Variants in PIBF1 observed in about 807,000 individuals in gnomAD.
PIBF1 encodes progesterone-induced-blocking factor 1.
Under a neutral mutation model 112.5 loss-of-function variants are expected in PIBF1, and 90 were observed. The observed-to-expected ratio is 0.80, with a 90% CI of 0.67 to 0.95. The LOEUF (loss-of-function observed/expected upper bound fraction) is 0.95. Among genes scored for constraint, PIBF1 ranks in the 40% least tolerant of loss-of-function variants. The pLI is 0.00. For synonymous variants in PIBF1, 301 were observed against 288.6 expected (o/e 1.04, Z -0.44); for missense variants, 915 against 852.3 (o/e 1.07, Z -0.92).
rs140495279 is a variant in PIBF1 at position 72,962,243 on chromosome 13, A to G, written c.1834-3031A>G. 1.8e-3 allele frequency among the ~76,000 whole-genome samples: 271 copies of G among 152,292 alleles called. 5 individuals are homozygous for G. The Middle Eastern group carries it at 0.02, about 11-fold the overall frequency. ...GTGAAAAGGCACAAAATAAAATTGT[A>G]TATAGTACACTAGCAATGAACAGTC... On this transcript the variant is annotated intron_variant, in intron 14 of 17. Coordinates refer to ENST00000326291, the MANE Select transcript of PIBF1 (RefSeq NM_006346.4).
intron 10 of PIBF1, among the ~76,000 whole-genome samples, chr13:72,868,291 A>G (rs962885011): frequency 6.7e-6 from 1 of 148,504 alleles, no homozygotes; most frequent in East Asian, 2.0e-4. Flanking sequence ...ACAGAATAAA[A>G]CCCTGTCTCT....
At chr13:72,793,008 G>T (rs1368421176) in intron 3 of PIBF1, among the ~76,000 whole-genome samples, 1 of 151,938 alleles carries the variant, frequency 6.6e-6, no homozygotes, top group African/African-American at 2.4e-5. Context: ...TAAATTCTTT[G>T]GAACGATTCA....
intron 10 of PIBF1, among the ~76,000 whole-genome samples, chr13:72,870,384 C>G (rs1364363972): frequency 2.6e-5 from 4 of 152,188 alleles, no homozygotes; most frequent in Non-Finnish European, 5.9e-5. Flanking sequence ...AAACGTATCT[C>G]TCCCCATGGT....
chr13:72,959,596 G>GA (rs1343617327), intron 14 of PIBF1, among the ~76,000 whole-genome samples: 6 of 151,870 alleles, frequency 4.0e-5, no homozygotes, highest in African/African-American at 1.5e-4. Context: ...ACTCCCCAAG[G>GA]AAAAAAACTC....
chr13:72,863,925 G>A (rs1371096185), intron 10 of PIBF1, among the ~76,000 whole-genome samples: 1 of 152,152 alleles, frequency 6.6e-6, no homozygotes. Flanking sequence ...CAGAGGCAAT[G>A]ATCACATTTT....
At chr13:72,987,850 ATTTATTTATTT>A (rs2043344955) in intron 16 of PIBF1, among the ~76,000 whole-genome samples, 4 of 66,442 alleles carry the variant, frequency 6.0e-5, no homozygotes, top group African/African-American at 2.7e-4. Flanking sequence ...TTATTTATTT[ATTTATTTATTT>A]TTTTTTTTTT....
chr13:72,931,798 A>AT (rs2041712239), intron 14 of PIBF1, among the ~76,000 whole-genome samples: 1 of 144,444 alleles, frequency 6.9e-6, no homozygotes, highest in Non-Finnish European at 1.5e-5. Context: ...ATCTAATTTT[A>AT]TTTTTCTGTA....
chr13:72,966,841 G>A (rs1247404256), intron 15 of PIBF1, among the ~76,000 whole-genome samples: 2 of 152,052 alleles, frequency 1.3e-5, no homozygotes, highest in East Asian at 3.9e-4. Context: ...CCGGGGAGAC[G>A]GAGGTTGCAG....
rs528118753 is a variant in PIBF1, at chr13:72,995,946, C to A, written c.2050-2876C>A. Among the ~76,000 whole-genome samples the A allele has an allele frequency of 8.8e-3, 1,095 of 124,298 alleles. 5 individuals carry two copies. Among genetic ancestry groups the A allele is most frequent in the South Asian group, 0.022 (68 of 3,106 alleles). The allele number at this position is 124,298 out of a possible 152,430, so 81.5% of individuals were successfully genotyped here. A position where few individuals can be genotyped will look rare whatever the true frequency, so the allele number is the denominator to read the frequency against. ...CCTGGATGACAGAGCGAGACTCCAT[C>A]TCAAAAAAAAAAAGAAAAGAAAAAC... On this transcript the variant is annotated intron_variant, in intron 16 of 17. Transcript: ENST00000326291.
intron 9 of PIBF1, among the ~76,000 whole-genome samples, chr13:72,844,713 A>T (rs1375675414): frequency 7.0e-6 from 1 of 142,338 alleles, no homozygotes; most frequent in Admixed American, 7.0e-5. Flanking sequence ...TTATAAAAGC[A>T]TCTGTAATTT....
At chr13:72,823,554 G>GA (rs933242155) in intron 6 of PIBF1, among the ~76,000 whole-genome samples, 4 of 151,534 alleles carry the variant, frequency 2.6e-5, no homozygotes, top group African/African-American at 4.9e-5. Context: ...AACTGGGGAA[G>GA]AAAAAAAAGC....
intron 16 of PIBF1, among the ~76,000 whole-genome samples, chr13:72,980,807 A>G (rs2043138526): frequency 1.4e-5 from 2 of 142,686 alleles, no homozygotes; most frequent in African/African-American, 5.2e-5. Flanking sequence ...CCCTATCTCC[A>G]AAAAAAAAAA....
At chr13:72,850,556 C>G (rs1033176407) in intron 9 of PIBF1, among the ~76,000 whole-genome samples, 2 of 152,182 alleles carry the variant, frequency 1.3e-5, no homozygotes, top group African/African-American at 2.4e-5. Flanking sequence ...TTATTAGGGA[C>G]TGAAGCTTCT....
At chr13:73,015,139 G>A (rs976528947) in intron 17 of PIBF1, among the ~76,000 whole-genome samples, 1 of 150,792 alleles carries the variant, frequency 6.6e-6, no homozygotes, top group Non-Finnish European at 1.5e-5. Context: ...ACAGGTGCAT[G>A]CCACCATGCC....
At position 72,783,573 on chromosome 13, in the gene PIBF1, C is replaced by G; in HGVS notation, c.104C>G (p.Ser35Cys). 1 of 1,613,842 alleles carries G rather than the reference C, an allele frequency of 6.2e-7. No homozygotes were observed. The highest frequency in any genetic ancestry group is 8.5e-7 in the Non-Finnish European group (1 of 1,179,776). The change falls in exon 2 of 18, where the codon TCC (serine) becomes TGC (cysteine). Residue 35 changes from serine to cysteine, a missense_variant. Transcript: ENST00000326291. ...LETTVPTDDI[S>C]SSEEREGKVR... ...ACAACAGTTCCTACGGATGATATTT[C>G]CTCATCAGAAGAGCGAGAGGGCAAA...
At chr13:72,891,304 A>C (rs1262530932) in intron 10 of PIBF1, among the ~76,000 whole-genome samples, 1 of 152,118 alleles carries the variant, frequency 6.6e-6, no homozygotes, top group Non-Finnish European at 1.5e-5. Flanking sequence ...ATTATCTTAA[A>C]GATCAATATC....
At chr13:73,003,415 G>A (rs749271258) in intron 17 of PIBF1, among the ~76,000 whole-genome samples, 3 of 151,884 alleles carry the variant, frequency 2.0e-5, no homozygotes, top group East Asian at 1.9e-4. Flanking sequence ...ACCATGCCCC[G>A]CTAATTTTTT....
chr13:72,784,275 T>TAAA lies in PIBF1; in HGVS notation c.252+573_252+575dup, dbSNP rs5804646. Among the ~76,000 whole-genome samples the TAAA allele has an allele frequency of 8.4e-3, 1,047 of 123,938 alleles. 16 individuals are homozygous for TAAA. The highest frequency in any genetic ancestry group is 0.013 in the Non-Finnish European group (779 of 60,744). The allele number at this position is 123,938 out of a possible 152,430, so 81.3% of individuals were successfully genotyped here. A position where few individuals can be genotyped will look rare whatever the true frequency, so the allele number is the denominator to read the frequency against. The stretch of plus-strand genomic sequence containing the variant: ...AACATTGTGAAACCCCAGCTCTACT[T>TAAA]AAAAAAAAAAAAAAAAAAAAATTAG... On this transcript the variant is annotated intron_variant, in intron 2 of 17. Transcript: ENST00000326291.
At chr13:72,817,808 T>G (rs1030465108) in intron 5 of PIBF1, among the ~76,000 whole-genome samples, 4 of 152,128 alleles carry the variant, frequency 2.6e-5, no homozygotes, top group African/African-American at 9.7e-5. Flanking sequence ...TACATAGTCA[T>G]GGGGTTTATT....
Sources: gnomAD v4.1 joint callset for allele counts (sites outside exome capture counted in the v4.1 genomes callset) on GRCh38, gnomAD v4.1.1 for gene constraint, MANE v1.5 for transcripts, NCBI Gene and HGNC (gene_info 2026-07-23, HGNC 2026-07-21) for gene names.